DOCK3: variants seen among roughly 807,000 people sequenced by gnomAD.
The protein encoded by DOCK3 is dedicator of cytokinesis protein 3.
DOCK3 carries 60 observed loss-of-function variants against 265.6 expected under a neutral mutation model. That is an observed-to-expected ratio of 0.23 (90% CI 0.18 to 0.28). DOCK3 has a LOEUF of 0.28. Ranked by LOEUF, DOCK3 falls within the 10% of genes least tolerant of loss-of-function variation. The pLI is 1.00. For synonymous variants in DOCK3, 881 were observed against 938.0 expected (o/e 0.94, Z 1.11); for missense variants, 1,981 against 2,594.3 (o/e 0.76, Z 5.14).
At chr3:51,254,258 A>C (rs2079424386) in intron 22 of DOCK3, among the ~76,000 whole-genome samples, 1 of 152,134 alleles carries the variant, frequency 6.6e-6, no homozygotes, top group Non-Finnish European at 1.5e-5. Context: ...CTGTTCTTTT[A>C]CATTTGCTGA....
At chr3:51,062,094 G>A (rs1161624070) in intron 5 of DOCK3, among the ~76,000 whole-genome samples, 2 of 152,026 alleles carry the variant, frequency 1.3e-5, no homozygotes, top group Admixed American at 6.6e-5. Flanking sequence ...GCACTAAATA[G>A]CCTCCTGACT....
At chr3:50,979,056 A>G (rs1055622006) in intron 5 of DOCK3, among the ~76,000 whole-genome samples, 36 of 152,124 alleles carry the variant, frequency 2.4e-4, no homozygotes, top group Non-Finnish European at 4.7e-4. Context: ...GGCACTCCCT[A>G]GTGAGATGAA....
intron 1 of DOCK3, among the ~76,000 whole-genome samples, chr3:50,743,670 G>C (rs1336997924): frequency 6.6e-6 from 1 of 152,062 alleles, no homozygotes; most frequent in Non-Finnish European, 1.5e-5. Context: ...TCCAATACAG[G>C]AGCACCCAGA....
rs1378255469 is a variant in DOCK3, at chr3:51,354,901, G to A, written c.4127G>A (p.Arg1376His). Reference protein sequence around the residue: ...FFLRNKEYVCRGHDYERLEAF... With the variant: ...FFLRNKEYVCHGHDYERLEAF... ...TGGCAGAACAAAGAATACGTGTGCC[G>A]TGGCCATGACTACGAGAGGCTGGAG... is the stretch of plus-strand genomic sequence containing the variant. Residue 1376 changes from arginine (R) to histidine (H), a missense_variant, in exon 41 of 53, where the codon CGT (arginine) becomes CAT (histidine). This residue lies in a region of DOCK3 where 1,357 missense variants were observed against 1,866.8 expected (regional missense o/e 0.73). Coordinates refer to ENST00000266037, the MANE Select transcript of DOCK3 (RefSeq NM_004947.5). The A allele has an allele frequency of 4.3e-6, 7 of 1,613,796 alleles. No individual in the cohort carries two copies. The highest frequency in any genetic ancestry group is 1.7e-4 in the Middle Eastern group (1 of 6,060).
intron 12 of DOCK3, among the ~76,000 whole-genome samples, chr3:51,205,197 G>GA (rs532613332): frequency 1.1e-4 from 16 of 148,592 alleles, no homozygotes; most frequent in African/African-American, 1.7e-4. Context: ...TAAATACAGT[G>GA]AAAAAAAAAG....
At chr3:51,327,756 T>C (rs551751091) in intron 32 of DOCK3, among the ~76,000 whole-genome samples, 1 of 147,556 alleles carries the variant, frequency 6.8e-6, no homozygotes, top group East Asian at 2.1e-4. Context: ...CTCGGCTCAC[T>C]GCAACCTCCA....
At chr3:51,253,709 A>G (rs1010938277) in intron 22 of DOCK3, among the ~76,000 whole-genome samples, 1 of 152,232 alleles carries the variant, frequency 6.6e-6, no homozygotes, top group East Asian at 1.9e-4. Flanking sequence ...CGATGGCGAT[A>G]TCACCTTTGT....
intron 32 of DOCK3, 130 bp downstream of exon 32, chr3:51,315,258 A>G (rs2083301693): frequency 1.7e-5 from 21 of 1,209,410 alleles, no homozygotes; most frequent in Non-Finnish European, 2.2e-5. Flanking sequence ...ATCCTGTTCA[A>G]GGGTTTTCCC....
intron 5 of DOCK3, among the ~76,000 whole-genome samples, chr3:50,986,036 C>G (rs577390109): frequency 6.6e-4 from 100 of 152,058 alleles, no homozygotes; most frequent in African/African-American, 2.4e-3. Flanking sequence ...TGTCACTCCC[C>G]AGTCTGCAAG....
chr3:50,806,061 A>G (rs1239564320), intron 2 of DOCK3, among the ~76,000 whole-genome samples: 1 of 151,668 alleles, frequency 6.6e-6, no homozygotes, highest in East Asian at 1.9e-4. Context: ...GCTGTTTCAT[A>G]GACCTGAGAT....
At chr3:51,272,177 C>A (rs1247601642) in intron 24 of DOCK3, among the ~76,000 whole-genome samples, 1 of 152,214 alleles carries the variant, frequency 6.6e-6, no homozygotes, top group Non-Finnish European at 1.5e-5. Context: ...AATAATATCA[C>A]TGTGCTAGGA....
At chr3:51,200,223 A>G (rs554998842) in intron 12 of DOCK3, among the ~76,000 whole-genome samples, 1 of 151,656 alleles carries the variant, frequency 6.6e-6, no homozygotes, top group Non-Finnish European at 1.5e-5. Flanking sequence ...GGCTTCAGAC[A>G]ATCAAACTAC....
At chr3:51,199,659 C>G (rs1322654074) in intron 12 of DOCK3, among the ~76,000 whole-genome samples, 1 of 152,312 alleles carries the variant, frequency 6.6e-6, no homozygotes, top group Non-Finnish European at 1.5e-5. Flanking sequence ...ACTTAAATGT[C>G]CCTGTCTGAC....
intron 2 of DOCK3, among the ~76,000 whole-genome samples, chr3:50,834,713 A>G (rs1463321431): frequency 1.3e-5 from 2 of 152,218 alleles, no homozygotes; most frequent in Non-Finnish European, 2.9e-5. Flanking sequence ...ATGTCACTAT[A>G]AGTCATTCAT....
At chr3:50,905,451 G>A (rs1296752713) in intron 4 of DOCK3, among the ~76,000 whole-genome samples, 1 of 152,056 alleles carries the variant, frequency 6.6e-6, no homozygotes, top group Non-Finnish European at 1.5e-5. Flanking sequence ...GCAGTGGTTT[G>A]TAGTTCTCCT....
At chr3:51,268,483 A>G (rs2080317831) in intron 23 of DOCK3, among the ~76,000 whole-genome samples, 3 of 152,334 alleles carry the variant, frequency 2.0e-5, no homozygotes, top group Non-Finnish European at 2.9e-5. Context: ...TAGTTCTTCA[A>G]CTTTTTGAAG....
chr3:51,338,929 T>C lies in DOCK3; in HGVS notation c.3673-6T>C. 6.3e-7 allele frequency: 1 copy of C among 1,596,020 alleles called. No individual in the cohort carries two copies. The highest frequency in any genetic ancestry group is 8.5e-7 in the Non-Finnish European group (1 of 1,170,334). Reference sequence around the variant, plus strand: ...GTTGACAGGTGTTTCCTTCTCTTTATTGTAGAATTTTTACAAATCTGAGAT... The same window carrying C: ...GTTGACAGGTGTTTCCTTCTCTTTACTGTAGAATTTTTACAAATCTGAGAT... On this transcript the variant is annotated splice_region_variant and splice_polypyrimidine_tract_variant and intron_variant, in intron 36 of 52. Coordinates refer to ENST00000266037, the MANE Select transcript of DOCK3 (RefSeq NM_004947.5).
chr3:50,750,872 A>G (rs957519652), intron 1 of DOCK3, among the ~76,000 whole-genome samples: 1 of 152,232 alleles, frequency 6.6e-6, no homozygotes, highest in Non-Finnish European at 1.5e-5. Context: ...AAACATAATT[A>G]AAAAGACAGA....
At chr3:50,810,097 T>G (rs1312838479) in intron 2 of DOCK3, among the ~76,000 whole-genome samples, 1 of 152,198 alleles carries the variant, frequency 6.6e-6, no homozygotes, top group African/African-American at 2.4e-5. Context: ...ATTGTGCCAC[T>G]ACACTTTAGC....
Sources: allele counts gnomAD v4.1 joint callset (sites outside exome capture counted in the v4.1 genomes callset), GRCh38; gene constraint gnomAD v4.1.1; regional missense constraint gnomAD v4.1.1; transcripts MANE v1.5; gene names NCBI Gene and HGNC (gene_info 2026-07-23, HGNC 2026-07-21).